STX8: variants seen among roughly 807,000 people sequenced by gnomAD.
STX8 encodes syntaxin-8.
Under a neutral mutation model 37.5 loss-of-function variants are expected in STX8, and 23 were observed. The ratio of observed to expected loss-of-function variants is 0.61; its 90% CI spans 0.44 to 0.87. STX8 has a LOEUF of 0.87. STX8 is among the 40% of genes least tolerant of loss of function. The probability of loss-of-function intolerance (pLI) is 0.00; values close to 1 mark genes in which losing one functional copy is unlikely to be tolerated. For synonymous variants in STX8, 115 were observed against 99.1 expected, an observed-to-expected ratio of 1.16 and a Z score of -0.95; for missense variants, 313 against 284.7, an observed-to-expected ratio of 1.10 and a Z score of -0.71.
At chr17:9,420,107 G>C (rs541087781) in intron 6 of STX8, among the ~76,000 whole-genome samples, 63 of 152,210 alleles carry the variant, frequency 4.1e-4, no homozygotes, top group Non-Finnish European at 8.2e-4. Context: ...CATTCTTGGT[G>C]AAAAATTAGA....
At chr17:9,455,045 G>A (rs892468575) in intron 6 of STX8, among the ~76,000 whole-genome samples, 9 of 151,998 alleles carry the variant, frequency 5.9e-5, no homozygotes, top group Non-Finnish European at 1.3e-4. Context: ...GCAAAACCCC[G>A]TCTCTACAAA....
chr17:9,420,469 C>T (rs1317680518), intron 6 of STX8, among the ~76,000 whole-genome samples: 2 of 152,136 alleles, frequency 1.3e-5, no homozygotes, highest in Non-Finnish European at 2.9e-5. Context: ...GGAGGACCCT[C>T]GCCTATCTGC....
intron 6 of STX8, among the ~76,000 whole-genome samples, chr17:9,475,194 T>C (rs1906048569): frequency 6.6e-6 from 1 of 152,114 alleles, no homozygotes; most frequent in Non-Finnish European, 1.5e-5. Flanking sequence ...AAATCCATGG[T>C]GGCACTGAAG....
chr17:9,295,966 G>A (rs1360386535), intron 7 of STX8, among the ~76,000 whole-genome samples: 6 of 151,544 alleles, frequency 4.0e-5, no homozygotes, highest in Admixed American at 2.6e-4. Context: ...CAAGGCGGGC[G>A]GATCACGAGG....
chr17:9,337,307 T>C (rs1910169508), intron 7 of STX8, among the ~76,000 whole-genome samples: 1 of 152,032 alleles, frequency 6.6e-6, no homozygotes, highest in Non-Finnish European at 1.5e-5. Context: ...ATGTCCATAC[T>C]GGGATAGAGG....
intron 6 of STX8, among the ~76,000 whole-genome samples, chr17:9,447,963 G>A (rs1168938066): frequency 4.0e-5 from 6 of 151,730 alleles, no homozygotes; most frequent in Non-Finnish European, 8.8e-5. Flanking sequence ...CAGATCACGA[G>A]GTCAGGAGTT....
At chr17:9,480,405 AT>A (rs143679600) in intron 6 of STX8, among the ~76,000 whole-genome samples, 3,783 of 152,306 alleles carry the variant, frequency 0.025, 138 homozygotes, top group African/African-American at 0.084. Context: ...TTTAATCTAG[AT>A]TAAAGGATAG....
At chr17:9,369,179 T>C (rs1468567268) in intron 7 of STX8, among the ~76,000 whole-genome samples, 1 of 152,130 alleles carries the variant, frequency 6.6e-6, no homozygotes, top group Admixed American at 6.5e-5. Context: ...AGAGAACAGA[T>C]GAATGGGAAA....
chr17:9,312,888 T>C (rs1909242324), intron 7 of STX8, among the ~76,000 whole-genome samples: 1 of 151,962 alleles, frequency 6.6e-6, no homozygotes, highest in Non-Finnish European at 1.5e-5. Flanking sequence ...TCCAGGGAAA[T>C]GGGTTAAAGA....
At chr17:9,422,644 T>C (rs1913482724) in intron 6 of STX8, among the ~76,000 whole-genome samples, 1 of 152,290 alleles carries the variant, frequency 6.6e-6, no homozygotes, top group South Asian at 2.1e-4. Context: ...TATTTATGGC[T>C]GAATAACATT....
intron 7 of STX8, chr17:9,305,445 C>T (rs1408529596): frequency 2.0e-5 from 3 of 152,018 alleles, no homozygotes; most frequent in African/African-American, 7.2e-5. Context: ...ATGATTTTGC[C>T]CAATTGTAGG....
rs1912234467 is a variant in STX8, at chr17:9,391,858, G to T, written c.542-13205C>A. 3.3e-5 allele frequency among the ~76,000 whole-genome samples: 5 copies of T among 152,286 alleles called. No individual in the cohort carries two copies. The South Asian group carries it at 1.0e-3, about 32-fold the overall frequency. ...AAATGCACCAGGAAGATCACAGACTGGGAGGAGCTTAGAAAAGCAACCCCT... is the reference window on the plus strand; with the variant it reads ...AAATGCACCAGGAAGATCACAGACTTGGAGGAGCTTAGAAAAGCAACCCCT... On this transcript the variant is annotated intron_variant, in intron 6 of 7. Transcript: ENST00000306357.
intron 6 of STX8, 142 bp from the exon 7 acceptor site, chr17:9,378,795 A>G: frequency 1.6e-6 from 1 of 621,832 alleles, no homozygotes; most frequent in Non-Finnish European, 2.9e-6. Context: ...GATTCTTTGA[A>G]AACTGCAATT....
At chr17:9,511,194 C>T (rs1905009173) in intron 4 of STX8, among the ~76,000 whole-genome samples, 1 of 151,862 alleles carries the variant, frequency 6.6e-6, no homozygotes, top group South Asian at 2.1e-4. Context: ...AAGAAAAATG[C>T]ATACCAATTC....
chr17:9,396,091 CAAT>C lies in STX8; in HGVS notation c.542-17441_542-17439del, dbSNP rs551745672. Among the ~76,000 whole-genome samples the C allele has an allele frequency of 1.2e-4, 17 of 143,982 alleles. No homozygotes were observed. In the South Asian group the frequency reaches 3.7e-3, roughly 32 times the overall value. 94.5% of individuals were successfully genotyped at this position (143,982 alleles called of 152,430 possible). A position where few individuals can be genotyped will look rare whatever the true frequency, so the allele number is the denominator to read the frequency against. On this transcript the variant is annotated intron_variant, in intron 6 of 7. Coordinates refer to ENST00000306357, the MANE Select transcript of STX8 (RefSeq NM_004853.3). ...AAACCTTTGCTTACTAAGGTAACAA[CAAT>C]AAGAAAAGAAAGAAAAGAAAAGTAA...
intron 7 of STX8, among the ~76,000 whole-genome samples, chr17:9,373,834 G>A (rs575410494): frequency 7.2e-5 from 11 of 151,842 alleles, no homozygotes; most frequent in Non-Finnish European, 1.5e-5. Context: ...AGCCACTCAG[G>A]AGGCTGAGGC....
intron 6 of STX8, among the ~76,000 whole-genome samples, chr17:9,384,794 T>TTGTGTGTGTGTGTGTGTGTGTGTGTGTG (rs59655296): frequency 1.4e-5 from 2 of 147,656 alleles, no homozygotes; most frequent in Non-Finnish European, 3.0e-5. Flanking sequence ...CCAGATAGAC[T>TTGTGTGTGTGTGTGTGTGTGTGTGTGTG]TGTGTGTGTG....
At chr17:9,301,743 C>T (rs867856571) in intron 7 of STX8, among the ~76,000 whole-genome samples, 11 of 152,110 alleles carry the variant, frequency 7.2e-5, no homozygotes, top group South Asian at 4.2e-4. Flanking sequence ...TCCGTCTCGG[C>T]CTCCCAAAGT....
intron 6 of STX8, among the ~76,000 whole-genome samples, chr17:9,391,903 C>T (rs971707193): frequency 6.6e-6 from 1 of 152,154 alleles, no homozygotes; most frequent in Non-Finnish European, 1.5e-5. Context: ...TCATGAAGTC[C>T]TGGATTCTCC....
Sources: allele counts gnomAD v4.1 joint callset (sites outside exome capture counted in the v4.1 genomes callset), GRCh38; gene constraint gnomAD v4.1.1; transcripts MANE v1.5; gene names NCBI Gene and HGNC (gene_info 2026-07-23, HGNC 2026-07-21).